CAPN13: variants seen among roughly 807,000 people sequenced by gnomAD.
The protein encoded by CAPN13 is calpain-13.
In CAPN13, 90 loss-of-function variants were observed where a neutral mutation model predicts 98.4. The ratio of observed to expected loss-of-function variants is 0.92; its 90% CI spans 0.77 to 1.09. The LOEUF (loss-of-function observed/expected upper bound fraction) is 1.09, where lower values mean the gene tolerates loss of function less well. Among genes scored for constraint, CAPN13 ranks in the 50% least tolerant of loss-of-function variants. The pLI is 0.00. For missense variants in CAPN13, 887 were observed against 841.3 expected (o/e 1.05, Z -0.67); for synonymous variants, 330 against 305.5 (o/e 1.08, Z -0.84).
At chr2:30,760,885 C>G (rs1672817961) in intron 7 of CAPN13, among the ~76,000 whole-genome samples, 1 of 152,230 alleles carries the variant, frequency 6.6e-6, no homozygotes, top group South Asian at 2.1e-4. Context: ...CTGCCTCTGA[C>G]CCTGCTCAGT....
intron 1 of CAPN13, among the ~76,000 whole-genome samples, chr2:30,806,856 G>C (rs907824155): frequency 2.6e-5 from 4 of 152,044 alleles, no homozygotes; most frequent in Non-Finnish European, 5.9e-5. Flanking sequence ...AAAACAAAGG[G>C]CCCAGGTCCC....
chr2:30,743,311 C>A, intron 13 of CAPN13, 72 bp downstream of exon 13: 2 of 1,322,262 alleles, frequency 1.5e-6, no homozygotes, highest in Non-Finnish European at 2.2e-6. Context: ...CAGAGAACTG[C>A]CCATAATTAC....
intron 1 of CAPN13, among the ~76,000 whole-genome samples, chr2:30,800,153 A>AAAGAAAGAAAGT (rs1675167248): frequency 2.7e-5 from 4 of 149,302 alleles, no homozygotes; most frequent in African/African-American, 1.0e-4. Context: ...AGAAAGAAAG[A>AAAGAAAGAAAGT]AAGAAAGAAA....
intron 11 of CAPN13, among the ~76,000 whole-genome samples, chr2:30,748,292 A>T (rs1244745337): frequency 1.3e-5 from 2 of 152,126 alleles, no homozygotes. Context: ...GAGCTGGAAA[A>T]TCTGAGGGTC....
intron 9 of CAPN13, among the ~76,000 whole-genome samples, chr2:30,754,067 G>A (rs1672313803): frequency 6.6e-6 from 1 of 152,138 alleles, no homozygotes; most frequent in Non-Finnish European, 1.5e-5. Context: ...AAATGTCCTG[G>A]AAAGTTCAGC....
At chr2:30,769,411 G>A (rs11680680) in intron 5 of CAPN13, among the ~76,000 whole-genome samples, 3,658 of 152,192 alleles carry the variant, frequency 0.024, 71 homozygotes, top group Non-Finnish European at 0.037. Context: ...AGGAGGAGAC[G>A]GATGTGTCAT....
chr2:30,767,718 A>G (rs534075057), intron 5 of CAPN13, among the ~76,000 whole-genome samples: 22 of 152,214 alleles, frequency 1.4e-4, no homozygotes, highest in Non-Finnish European at 2.6e-4. Flanking sequence ...TAAAAAATTT[A>G]GTTTTTCACA....
At chr2:30,737,430 C>T (rs760130998) in intron 17 of CAPN13, 1 of 152,514 alleles carries the variant, frequency 6.6e-6, no homozygotes, top group Non-Finnish European at 1.5e-5. Context: ...ATGGAGTCAG[C>T]CTCTTCTGCT....
intron 2 of CAPN13, among the ~76,000 whole-genome samples, chr2:30,785,887 T>C (rs1011646406): frequency 4.1e-5 from 6 of 146,444 alleles, no homozygotes; most frequent in Non-Finnish European, 7.4e-5. Flanking sequence ...AAGAGAATCA[T>C]TGTTGAGGAC....
At position 30,775,932 on chromosome 2, in the gene CAPN13, G is replaced by A. The variant is rs767779434; in HGVS notation, c.385C>T (p.Arg129Trp). The A allele has an allele frequency of 1.1e-4, 181 of 1,606,226 alleles. No homozygotes were observed. The highest frequency in any genetic ancestry group is 2.2e-4 in the South Asian group (20 of 89,426). ...GAGCGCTGCAAGGGCACACGTACCCGGAAACGGAAAATGCCAGCATACTGG... is the reference window on the plus strand; with the variant it reads ...GAGCGCTGCAAGGGCACACGTACCCAGAAACGGAAAATGCCAGCATACTGG... ...SHQYAGIFRF[R>W]FWQCGQWVEV... The change falls in exon 4 of 23, where the codon CGG (arginine) becomes TGG (tryptophan). Residue 129 changes from arginine to tryptophan, a missense_variant and splice_region_variant. By Grantham distance (101) the Arg-to-Trp change is moderately radical (BLOSUM62 -3). Transcript: ENST00000295055.
chr2:30,802,552 G>A lies in CAPN13; in HGVS notation c.-33+4750C>T, dbSNP rs867097632. ...CAGAGAAAGGCAGGCTGGGGGGGGG[G>A]GGTGGTGGTTAGACCTCTGAGGTTT... On this transcript the variant is annotated intron_variant, in intron 1 of 22. Transcript: ENST00000295055. Among the ~76,000 whole-genome samples, 158 of 149,596 alleles carry A rather than the reference G, an allele frequency of 1.1e-3. 1 individual carries two copies. The highest frequency in any genetic ancestry group is 2.0e-3 in the Non-Finnish European group (138 of 67,398).
In CAPN13 at chr2:30,736,586, A is replaced by T. The variant is rs1205032635; in HGVS notation, c.1654-15T>A. The T allele has an allele frequency of 6.2e-7, 1 of 1,613,894 alleles. No individual in the cohort carries two copies. Among genetic ancestry groups the T allele is most frequent in the East Asian group, 2.2e-5 (1 of 44,872 alleles). On this transcript the variant is annotated splice_polypyrimidine_tract_variant and intron_variant, in intron 17 of 22. Coordinates refer to ENST00000295055, the MANE Select transcript of CAPN13 (RefSeq NM_144575.3). Reference sequence around the variant, plus strand: ...TTCACTTTCAGCTGGGTAAGGAGTTAAGAGTGAACCAGCCAGCGTGCAAGG... The same window carrying T: ...TTCACTTTCAGCTGGGTAAGGAGTTTAGAGTGAACCAGCCAGCGTGCAAGG...
chr2:30,800,485 G>C lies in CAPN13; in HGVS notation c.-33+6817C>G, dbSNP rs372506726. Among the ~76,000 whole-genome samples, 7 of 152,304 alleles carry C rather than the reference G, an allele frequency of 4.6e-5. No homozygotes were observed. In the East Asian group the frequency reaches 1.2e-3, roughly 25 times the overall value. ...AGACCCTGGGGGTAACCAAGAGAAG[G>C]TTTGCCTGACAGAAAGAATCTGTGA... On this transcript the variant is annotated intron_variant, in intron 1 of 22. Coordinates refer to ENST00000295055, the MANE Select transcript of CAPN13 (RefSeq NM_144575.3).
intron 1 of CAPN13, among the ~76,000 whole-genome samples, chr2:30,796,684 T>C (rs182332713): frequency 5.3e-5 from 8 of 152,314 alleles, no homozygotes; most frequent in Non-Finnish European, 1.5e-5. Context: ...AAACCTGTCT[T>C]TACATTTAAA....
intron 5 of CAPN13, among the ~76,000 whole-genome samples, chr2:30,766,829 AC>A (rs1407499198): frequency 1.3e-5 from 2 of 152,072 alleles, no homozygotes; most frequent in Non-Finnish European, 2.9e-5. Context: ...GGAAAACAAA[AC>A]CCTAAATATG....
At chr2:30,787,505 G>T in intron 1 of CAPN13, 148 bp from the exon 2 acceptor site, 1 of 567,956 alleles carries the variant, frequency 1.8e-6, no homozygotes, top group Non-Finnish European at 3.0e-6. Context: ...CAGTCAGTGA[G>T]CCTGAACTAG....
chr2:30,730,770 A>C lies in CAPN13; in HGVS notation c.2000T>G (p.Met667Arg). ...GCTTTCCTCTTTGCTTCAGTTGTAC[A>C]TGACCAGGCTCATCCACTGAAAAAT... Reference protein sequence around the residue: ...LTEMEWMSLVMYN With the variant: ...LTEMEWMSLVRYN The change falls in exon 22 of 23, where the codon ATG (methionine) becomes AGG (arginine). Residue 667 changes from methionine (M) to arginine (R), a missense_variant. Physicochemically the swap from Met to Arg is moderately conservative, Grantham distance 91. Coordinates refer to ENST00000295055, the MANE Select transcript of CAPN13 (RefSeq NM_144575.3). 1.3e-6 allele frequency: 1 copy of C among 780,918 alleles called. No individual in the cohort carries two copies. The highest frequency in any genetic ancestry group is 2.4e-6 in the Non-Finnish European group (1 of 417,998). The allele number at this position is 780,918 out of a possible 1,614,324, so 48.4% of individuals were successfully genotyped here.
Position 30,736,523 on chromosome 2 carries a change from T to C in CAPN13, c.1702A>G (p.Lys568Glu). Residue 568 changes from lysine to glutamate, a missense_variant, in exon 18 of 23, where the codon AAG becomes GAG. Coordinates refer to ENST00000295055, the MANE Select transcript of CAPN13 (RefSeq NM_144575.3). ...LDQEEFARLW[K>E]RLVHYQHVFQ... ...CGTACCTGGTAGTGAACAAGGCGCT[T>C]CCACAGTCGCGCAAACTCCTCTTGG... The C allele has an allele frequency of 6.2e-7, 1 of 1,613,988 alleles. No individual in the cohort carries two copies. The highest frequency in any genetic ancestry group is 8.5e-7 in the Non-Finnish European group (1 of 1,179,878).
intron 7 of CAPN13, among the ~76,000 whole-genome samples, chr2:30,758,711 G>C (rs1391242901): frequency 6.6e-6 from 1 of 151,824 alleles, no homozygotes; most frequent in African/African-American, 2.4e-5. Context: ...AGACACCTTG[G>C]TCTGAGAGAA....
Sources: allele counts gnomAD v4.1 joint callset (sites outside exome capture counted in the v4.1 genomes callset), GRCh38; gene constraint gnomAD v4.1.1; transcripts MANE v1.5; gene names NCBI Gene and HGNC (gene_info 2026-07-23, HGNC 2026-07-21).